Variants in OPTN observed in about 807,000 individuals in gnomAD.
The protein encoded by OPTN is E3-14.7K-interacting protein.
A neutral mutation model predicts 70.4 loss-of-function variants in OPTN; 54 were observed. The ratio of observed to expected loss-of-function variants is 0.77; its 90% confidence interval spans 0.62 to 0.96. The LOEUF is 0.96. OPTN is among the 40% of genes least tolerant of loss of function. The probability of loss-of-function intolerance (pLI) is 0.00; values close to 1 mark genes in which losing one functional copy is unlikely to be tolerated. For synonymous variants in OPTN, 256 were observed against 248.5 expected (o/e 1.03, Z -0.28); for missense variants, 624 against 673.2 (o/e 0.93, Z 0.81).
intron 3 of OPTN, chr10:13,109,518 A>G: frequency 1.9e-6 from 1 of 528,324 alleles, no homozygotes; most frequent in Non-Finnish European, 3.4e-6. Flanking sequence ...GCATAATGAT[A>G]TTTAGCCCAT....
chr10:13,133,678 A>T, intron 14 of OPTN, 97 bp downstream of exon 14: 1 of 1,105,248 alleles, frequency 9.0e-7, no homozygotes, highest in East Asian at 2.5e-5. Context: ...ATGGATTCCA[A>T]ATCAAGGCAC....
chr10:13,109,648 A>G (rs2131482027), intron 3 of OPTN: 1 of 183,676 alleles, frequency 5.4e-6, no homozygotes, highest in East Asian at 1.5e-4. Flanking sequence ...CAAGATGGCA[A>G]GACCTGATCT....
At position 13,121,714 on chromosome 10, in the gene OPTN, C is replaced by T. The variant is rs1389426512; in HGVS notation, c.780-671C>T. On this transcript the variant is annotated intron_variant, in intron 7 of 14. Coordinates refer to ENST00000378747, the MANE Select transcript of OPTN (RefSeq NM_001008212.2). ...TCCCTACTGTTGGCTCAAAGGTCGGCCTTCTTGGGCTGGTAAGGCCCCACT... is the reference window on the plus strand; with the variant it reads ...TCCCTACTGTTGGCTCAAAGGTCGGTCTTCTTGGGCTGGTAAGGCCCCACT... Among the ~76,000 whole-genome samples the T allele has an allele frequency of 2.6e-5, 4 of 152,008 alleles. No individual in the cohort carries two copies. In the East Asian group the frequency reaches 7.7e-4, roughly 29 times the overall value.
intron 7 of OPTN, among the ~76,000 whole-genome samples, chr10:13,121,580 G>A (rs1248091102): frequency 6.7e-6 from 1 of 149,168 alleles, no homozygotes; most frequent in African/African-American, 2.5e-5. Context: ...CCTAATCTTA[G>A]GGGGAAAGCT....
At position 13,137,334 on chromosome 10, in the gene OPTN, T is replaced by C. The variant is rs182356495; in HGVS notation, c.*468T>C. On this transcript the variant is annotated 3_prime_UTR_variant, in exon 15 of 15. Coordinates refer to ENST00000378747, the MANE Select transcript of OPTN (RefSeq NM_001008212.2). Reference sequence around the variant, plus strand: ...AGAAGGAAGGAAGGAGAAGAAAAGGTACCTGTTCTACGTAGAACACCTTTG... The same window carrying C: ...AGAAGGAAGGAAGGAGAAGAAAAGGCACCTGTTCTACGTAGAACACCTTTG... 41 of 310,902 alleles carry C rather than the reference T, an allele frequency of 1.3e-4. No individual in the cohort carries two copies. The highest frequency in any genetic ancestry group is 8.4e-4 in the African/African-American group (40 of 47,486). 19.3% of individuals were successfully genotyped at this position (310,902 alleles called of 1,614,324 possible). A position where few individuals can be genotyped will look rare whatever the true frequency, so the allele number is the denominator to read the frequency against.
rs776798055 is a variant in OPTN, at chr10:13,125,415, T to C, written c.999-3T>C. On this transcript the variant is annotated splice_region_variant and splice_polypyrimidine_tract_variant and intron_variant, in intron 9 of 14. Transcript: ENST00000378747. ...ATCCTCATGAAATCTTGACCTTTCT[T>C]AGGTGTCAGGCCCTTGAAAGGAAAA... 2 of 1,614,114 alleles carry C rather than the reference T, an allele frequency of 1.2e-6. No individual in the cohort carries two copies. Among genetic ancestry groups the C allele is most frequent in the South Asian group, 2.2e-5 (2 of 91,076 alleles).
intron 6 of OPTN, among the ~76,000 whole-genome samples, chr10:13,117,232 C>T (rs1252753985): frequency 2.6e-5 from 4 of 151,622 alleles, no homozygotes; most frequent in East Asian, 1.9e-4. Context: ...AGGCGCCCAC[C>T]ACCATGCCCG....
chr10:13,128,612 G>A (rs775639740), intron 12 of OPTN, among the ~76,000 whole-genome samples: 88 of 141,106 alleles, frequency 6.2e-4, no homozygotes, highest in Admixed American at 9.7e-4. Context: ...GTATGATCTC[G>A]GCTCATTGCA....
chr10:13,101,350 T>C (rs1832739398), intron 1 of OPTN, among the ~76,000 whole-genome samples: 1 of 152,150 alleles, frequency 6.6e-6, no homozygotes, highest in African/African-American at 2.4e-5. Context: ...AACTAACCTT[T>C]AGGTTGCATA....
At chr10:13,128,026 G>A (rs1336046794) in intron 12 of OPTN, 123 bp downstream of exon 12, 2 of 1,141,230 alleles carry the variant, frequency 1.8e-6, no homozygotes, top group East Asian at 2.5e-5. Context: ...ACCCGTGAGT[G>A]TATTAAAACT....
intron 11 of OPTN, among the ~76,000 whole-genome samples, chr10:13,126,669 T>G (rs369350842): frequency 6.6e-6 from 1 of 152,180 alleles, no homozygotes; most frequent in Non-Finnish European, 1.5e-5. Flanking sequence ...TGGGGAATTG[T>G]GCAAGACCAG....
chr10:13,114,803 C>CGTT (rs1564358784), intron 5 of OPTN, among the ~76,000 whole-genome samples: 395 of 16,822 alleles, frequency 0.023, 38 homozygotes, highest in Non-Finnish European at 0.058. Flanking sequence ...ATTATATATA[C>CGTT]ATATATATAA....
chr10:13,131,969 C>CTA, intron 12 of OPTN, 98 bp from the exon 13 acceptor site: 1 of 1,189,312 alleles, frequency 8.4e-7, no homozygotes, highest in Admixed American at 1.8e-5. Context: ...TTCACAAGGG[C>CTA]TATTGAAGGA....
rs1357659153 is a variant in OPTN at position 13,110,428 on chromosome 10, G to A, written c.321G>A (p.Leu107=). ...CCTTGAGTCATGAGAATGAGAAATTGAAGGAAGAGCTTGGAAAACTAAAAG... is the reference window on the plus strand; with the variant it reads ...CCTTGAGTCATGAGAATGAGAAATTAAAGGAAGAGCTTGGAAAACTAAAAG... ...LMALSHENEK[L]KEELGKLKGK... The change falls in exon 4 of 15, where the codon TTG becomes TTA. Residue 107 remains leucine (L), a synonymous_variant. Coordinates refer to ENST00000378747, the MANE Select transcript of OPTN (RefSeq NM_001008212.2). 6.2e-7 allele frequency: 1 copy of A among 1,613,950 alleles called. No individual in the cohort carries two copies. The highest frequency in any genetic ancestry group is 8.5e-7 in the Non-Finnish European group (1 of 1,179,994).
chr10:13,100,152 C>T (rs369971287), upstream of OPTN: 1 of 153,366 alleles, frequency 6.5e-6, no homozygotes, highest in Non-Finnish European at 1.5e-5. Flanking sequence ...CGCATCAGCC[C>T]TAGGCACCCC....
chr10:13,131,976 A>G lies in OPTN; in HGVS notation c.1402-91A>G, dbSNP rs907293442. 5.4e-6 allele frequency: 7 copies of G among 1,299,464 alleles called. 1 individual carries two copies. The African/African-American group carries it at 1.0e-4, about 19-fold the overall frequency. 80.5% of individuals were successfully genotyped at this position (1,299,464 alleles called of 1,614,324 possible). ...ATCTGTGATTCACAAGGGCTATTGA[A>G]GGATACAGCACTACCTCCTCATCGC... On this transcript the variant is annotated intron_variant, in intron 12 of 14. Coordinates refer to ENST00000378747, the MANE Select transcript of OPTN (RefSeq NM_001008212.2).
rs60221241 is a variant in OPTN at position 13,110,124 on chromosome 10, C to T, written c.167-150C>T. The T allele has an allele frequency of 0.071, 99,570 of 1,411,668 alleles. 4,524 individuals are homozygous for T. Among genetic ancestry groups the T allele is most frequent in the East Asian group, 0.23 (8,980 of 39,830 alleles). 87.4% of individuals were successfully genotyped at this position (1,411,668 alleles called of 1,614,324 possible). A position where few individuals can be genotyped will look rare whatever the true frequency, so the allele number is the denominator to read the frequency against. Reference sequence around the variant, plus strand: ...TCTTTTCTGTAAGCAAAAACCACTTCGTCTTTTTGCTGCTGACCCTTGGGC... The same window carrying T: ...TCTTTTCTGTAAGCAAAAACCACTTTGTCTTTTTGCTGCTGACCCTTGGGC... On this transcript the variant is annotated intron_variant, in intron 3 of 14. Coordinates refer to ENST00000378747, the MANE Select transcript of OPTN (RefSeq NM_001008212.2).
intron 4 of OPTN, among the ~76,000 whole-genome samples, chr10:13,111,745 A>G (rs1833004241): frequency 6.6e-6 from 1 of 151,890 alleles, no homozygotes; most frequent in South Asian, 2.1e-4. Flanking sequence ...ATTAAAGCAC[A>G]AGGCATAAAG....
chr10:13,117,241 C>A (rs1164665677), intron 6 of OPTN, among the ~76,000 whole-genome samples: 1 of 151,480 alleles, frequency 6.6e-6, no homozygotes, highest in African/African-American at 2.4e-5. Context: ...CCACCATGCC[C>A]GGCTAATTTT....
Sources: allele counts gnomAD v4.1 joint callset (sites outside exome capture counted in the v4.1 genomes callset), GRCh38; gene constraint gnomAD v4.1.1; transcripts MANE v1.5; gene names NCBI Gene and HGNC (gene_info 2026-07-23, HGNC 2026-07-21).